Variants in GRIFIN observed in about 807,000 individuals in gnomAD.
GRIFIN encodes putative grifin.
GRIFIN carries 22 observed loss-of-function variants against 18.2 expected under a neutral mutation model. The observed-to-expected ratio is 1.21, with a 90% CI of 0.86 to 1.73. The LOEUF (loss-of-function observed/expected upper bound fraction) is 1.73, where lower values mean the gene tolerates loss of function less well. Among genes scored for constraint, GRIFIN ranks in the 40% most tolerant of loss-of-function variants. The pLI, the probability that GRIFIN is intolerant of heterozygous loss-of-function variation, is 0.00. For missense variants in GRIFIN, 200 were observed against 190.1 expected (o/e 1.05, Z -0.31); for synonymous variants, 101 against 82.8 (o/e 1.22, Z -1.19).
In GRIFIN at chr7:2,475,582, G is replaced by A. The variant is rs59189761; in HGVS notation, c.252+87C>T. ...TGCCCTGGCCCACTGACCTGTAAGCGTCCACCGTGAACCCGCTGCCCACTG... is the reference window on the plus strand; with the variant it reads ...TGCCCTGGCCCACTGACCTGTAAGCATCCACCGTGAACCCGCTGCCCACTG... On this transcript the variant is annotated intron_variant, in intron 3 of 4. Transcript: ENST00000614228. 1.4e-3 allele frequency: 1,966 copies of A among 1,417,778 alleles called. 18 individuals carry two copies. In the African/African-American group the frequency reaches 0.024, roughly 17 times the overall value. 87.8% of individuals were successfully genotyped at this position (1,417,778 alleles called of 1,614,324 possible). A position where few individuals can be genotyped will look rare whatever the true frequency, so the allele number is the denominator to read the frequency against.
chr7:2,476,300 G>C (rs1778962425), intron 1 of GRIFIN, 72 bp downstream of exon 1: 2 of 1,496,502 alleles, frequency 1.3e-6, no homozygotes, highest in South Asian at 1.2e-5. Context: ...TCTGTGCAGA[G>C]AGAGCACGGG....
Position 2,475,941 on chromosome 7 carries a change from T to A in GRIFIN, c.71A>T (p.His24Leu), listed in dbSNP as rs757497368. ...TGACCTGTCCTCTCCAGAGTCAGCA[T>A]GTCCCTGGACCAGCAGCTTCCAGCC... ...APGWKLLVQG[H>L]ADSGEDRFET... Residue 24 changes from histidine (H) to leucine (L), a missense_variant, in exon 2 of 5, where the codon CAT becomes CTT. By Grantham distance (99) the His-to-Leu change is moderately conservative. Transcript: ENST00000614228. 1 of 1,598,346 alleles carries A rather than the reference T, an allele frequency of 6.3e-7. No individual in the cohort carries two copies. The highest frequency in any genetic ancestry group is 2.2e-5 in the East Asian group (1 of 44,866).
Position 2,474,773 on chromosome 7 carries a change from G to A in GRIFIN, c.*97C>T, listed in dbSNP as rs1381278375. On this transcript the variant is annotated 3_prime_UTR_variant, in exon 5 of 5. Coordinates refer to ENST00000614228, the MANE Select transcript of GRIFIN (RefSeq NM_001394787.1). ...AAGGTGGAGCTGCGAGGAGCACACA[G>A]GACCACAGACCCCCTCACCCAGCTG... 1.6e-5 allele frequency: 7 copies of A among 444,244 alleles called. No individual in the cohort carries two copies. Among genetic ancestry groups the A allele is most frequent in the Non-Finnish European group, 4.0e-6 (1 of 251,646 alleles). 27.5% of individuals were successfully genotyped at this position (444,244 alleles called of 1,614,324 possible). A position where few individuals can be genotyped will look rare whatever the true frequency, so the allele number is the denominator to read the frequency against.
At chr7:2,474,936 C>G (rs1778928725) in intron 4 of GRIFIN, 51 bp from the exon 5 acceptor site, 1 of 629,250 alleles carries the variant, frequency 1.6e-6, no homozygotes, top group African/African-American at 1.8e-5. Context: ...CATGCACAGA[C>G]CAGGGTGGGA....
chr7:2,475,500 T>A lies in GRIFIN; in HGVS notation c.252+169A>T, dbSNP rs1181265995. On this transcript the variant is annotated intron_variant, in intron 3 of 4. Transcript: ENST00000614228. ...AAGATGGGGTGGCTGGTAGCCAGGG[T>A]GGTGGGTACCTACTGCACACGTAGG... The A allele has an allele frequency of 4.3e-6, 5 of 1,161,728 alleles. No homozygotes were observed. In the East Asian group the frequency reaches 1.3e-4, roughly 30 times the overall value. The allele number at this position is 1,161,728 out of a possible 1,614,324, so 72.0% of individuals were successfully genotyped here. A position where few individuals can be genotyped will look rare whatever the true frequency, so the allele number is the denominator to read the frequency against.
intron 1 of GRIFIN, 172 bp from the exon 2 acceptor site, chr7:2,476,171 G>C (rs1439618661): frequency 1.1e-5 from 4 of 360,922 alleles, no homozygotes; most frequent in Non-Finnish European, 1.5e-5. Flanking sequence ...TTGTGACAGG[G>C]TGACCAGGGC....
Position 2,475,210 on chromosome 7 carries a change from G to A in GRIFIN, c.350C>T (p.Thr117Ile), listed in dbSNP as rs554555823. The change falls in exon 4 of 5, where the codon ACC becomes ATC. Residue 117 changes from threonine to isoleucine, a missense_variant. Coordinates refer to ENST00000614228, the MANE Select transcript of GRIFIN (RefSeq NM_001394787.1). The part of the protein sequence containing the change: ...PCRQRPLGAT[T>I]RVRVLSDHCL... ...GTGGTCACTCAGCACGCGCACCCTG[G>A]TGGTGGCGCCCAGCGGCCTCTGACG... The A allele has an allele frequency of 3.8e-6, 6 of 1,596,148 alleles. No homozygotes were observed. The highest frequency in any genetic ancestry group is 1.7e-5 in the Admixed American group (1 of 59,646).
At chr7:2,475,005 G>A in intron 4 of GRIFIN, 120 bp from the exon 5 acceptor site, 1 of 1,010,136 alleles carries the variant, frequency 9.9e-7, no homozygotes, top group Non-Finnish European at 1.4e-6. Flanking sequence ...GAGAGGAGCA[G>A]GGTGGGACGC....
At chr7:2,475,421 C>T (rs1778942124) in intron 3 of GRIFIN, 114 bp from the exon 4 acceptor site, 1 of 1,360,478 alleles carries the variant, frequency 7.4e-7, no homozygotes, top group Non-Finnish European at 9.8e-7. Flanking sequence ...GCCTGGCAGG[C>T]CCCGGGGGTC....
chr7:2,475,445 C>A, intron 3 of GRIFIN, 138 bp from the exon 4 acceptor site: 1 of 1,270,638 alleles, frequency 7.9e-7, no homozygotes, highest in Non-Finnish European at 1.1e-6. Flanking sequence ...TGGCTTGGAG[C>A]CCCCAGCCCA....
Position 2,475,679 on chromosome 7 carries a change from TC to T in GRIFIN, c.241del (p.Glu81SerfsTer5), listed in dbSNP as rs1277608326. ...VSSIFPLAPG[E>X]PFEIEVSWDA... is the part of the protein sequence containing the mutation. ...CCAGGCCCCTGTCACCTCAAAGGGC[TC>T]CCCCGGGGCCAGCGGGAAGATGCTA... On this transcript the variant is annotated frameshift_variant, in exon 3 of 5. Transcript: ENST00000614228. LOFTEE classifies it high-confidence loss of function. The T allele has an allele frequency of 3.3e-6, 5 of 1,507,032 alleles. No individual in the cohort carries two copies. The Admixed American group carries it at 6.2e-5, about 19-fold the overall frequency. The allele number at this position is 1,507,032 out of a possible 1,614,324, so 93.4% of individuals were successfully genotyped here.
At chr7:2,475,613 C>T (rs1778946744) in intron 3 of GRIFIN, 56 bp downstream of exon 3, 3 of 1,436,848 alleles carry the variant, frequency 2.1e-6, no homozygotes, top group South Asian at 1.5e-5. Context: ...CACTGGCCCC[C>T]TGTTCCCCCA....
Position 2,475,302 on chromosome 7 carries a change from C to G in GRIFIN, c.258G>C (p.Glu86Asp), listed in dbSNP as rs778538085. ...GGAAGTGCTCCGCGTCCCAGCTGAC[C>G]TCTATCTGGGCAGGCTGGGGCCAGT... ...PLAPGEPFEI[E>D]VSWDAEHFHV... Residue 86 changes from glutamate (E) to aspartate (D), a missense_variant, in exon 4 of 5, where the codon GAG becomes GAC. Physicochemically the swap from Glu to Asp is conservative, Grantham distance 45. Coordinates refer to ENST00000614228, the MANE Select transcript of GRIFIN (RefSeq NM_001394787.1). 1 of 1,592,056 alleles carries G rather than the reference C, an allele frequency of 6.3e-7. No homozygotes were observed. The highest frequency in any genetic ancestry group is 1.1e-5 in the South Asian group (1 of 89,846).
chr7:2,475,869 G>A (rs1213796235), intron 2 of GRIFIN, 41 bp from the exon 3 acceptor site: 1 of 1,587,372 alleles, frequency 6.3e-7, no homozygotes, highest in Admixed American at 1.7e-5. Flanking sequence ...GCAAAGAGCT[G>A]GGCCGGCCAC....
intron 4 of GRIFIN, 39 bp downstream of exon 4, chr7:2,475,102 A>C: frequency 6.5e-7 from 1 of 1,542,158 alleles, no homozygotes; most frequent in South Asian, 1.2e-5. Context: ...AGTGTGGGGC[A>C]GGAATGGGCA....
chr7:2,474,925 C>G (rs1227357784), intron 4 of GRIFIN, 40 bp from the exon 5 acceptor site: 2 of 614,766 alleles, frequency 3.3e-6, no homozygotes, highest in East Asian at 5.5e-5. Flanking sequence ...CCTGCCCTGC[C>G]CATGCACAGA....
Position 2,475,173 on chromosome 7 carries a change from C to A in GRIFIN, c.387G>T (p.Gln129His). 1 of 1,590,960 alleles carries A rather than the reference C, an allele frequency of 6.3e-7. No individual in the cohort carries two copies. Among genetic ancestry groups the A allele is most frequent in the East Asian group, 2.2e-5 (1 of 44,514 alleles). ...TCAGGCCCCTCTTGGCCAGCTCCACCTGGGCCAGGCAGTGGTCACTCAGCA... is the reference window on the plus strand; with the variant it reads ...TCAGGCCCCTCTTGGCCAGCTCCACATGGGCCAGGCAGTGGTCACTCAGCA... ...VRVLSDHCLA[Q>H]VELAKRGLSW... The change falls in exon 4 of 5, where the codon CAG becomes CAT. Residue 129 changes from glutamine (Q) to histidine (H), a missense_variant. Physicochemically the swap from Gln to His is conservative, Grantham distance 24 (BLOSUM62 0). Coordinates refer to ENST00000614228, the MANE Select transcript of GRIFIN (RefSeq NM_001394787.1).
intron 3 of GRIFIN, 72 bp downstream of exon 3, chr7:2,475,597 G>A (rs748009916): frequency 2.2e-4 from 312 of 1,428,066 alleles, no homozygotes; most frequent in Non-Finnish European, 2.7e-4. Flanking sequence ...CCGTGAACCC[G>A]CTGCCCACTG....
chr7:2,475,027 C>T (rs946666641), intron 4 of GRIFIN, 114 bp downstream of exon 4: 86 of 1,266,384 alleles, frequency 6.8e-5, no homozygotes, highest in Non-Finnish European at 1.3e-5. Flanking sequence ...AGGCAGACAA[C>T]CCCTCCCCAG....
Sources: allele counts gnomAD v4.1 joint callset, GRCh38; gene constraint gnomAD v4.1.1; transcripts MANE v1.5; gene names NCBI Gene and HGNC (gene_info 2026-07-23, HGNC 2026-07-21).